The following SLC6A9 variants were observed in gnomAD, a reference collection of about 807,000 sequenced individuals.
SLC6A9 encodes solute carrier family 6 member 9, also known as sodium- and chloride-dependent glycine transporter 1.
Under a neutral mutation model 70.9 loss-of-function variants are expected in SLC6A9, and 31 were observed. The ratio of observed to expected loss-of-function variants is 0.44; its 90% CI spans 0.33 to 0.59. The LOEUF (loss-of-function observed/expected upper bound fraction) is 0.59. SLC6A9 is among the 20% of genes least tolerant of loss of function. The pLI is 0.04. For synonymous variants in SLC6A9, 310 were observed against 341.3 expected, an observed-to-expected ratio of 0.91 and a Z score of 1.01; for missense variants, 631 against 845.2, an observed-to-expected ratio of 0.75 and a Z score of 3.14.
intron 2 of SLC6A9, among the ~76,000 whole-genome samples, chr1:44,016,242 C>T (rs1557689157): frequency 2.0e-5 from 3 of 152,116 alleles, no homozygotes; most frequent in South Asian, 2.1e-4. Flanking sequence ...CGGCTGGGGG[C>T]GGCGTCTACC....
At chr1:44,017,139 C>G in intron 2 of SLC6A9, 1 of 1,607,938 alleles carries the variant, frequency 6.2e-7, no homozygotes, top group South Asian at 1.1e-5. Flanking sequence ...CTCATTCACA[C>G]CTCTGCCAGC....
rs200456440 is a variant in SLC6A9, at chr1:44,010,055, C to T, written c.229G>A (p.Gly77Arg). ...AGCTCCATGAAGAAGAGGGGGATCC[C>T]GCAGAAGATGAGCATGATGAAGTAG... ...FPYFIMLIFCGIPLFFMELSF... is the reference protein window; with the variant it reads ...FPYFIMLIFCRIPLFFMELSF... Residue 77 changes from glycine (G) to arginine (R), a missense_variant, in exon 4 of 14, where the codon GGG (glycine) becomes AGG (arginine). Coordinates refer to ENST00000372310, the MANE Select transcript of SLC6A9 (RefSeq NM_001024845.3). 6 of 1,614,062 alleles carry T rather than the reference C, an allele frequency of 3.7e-6. No individual in the cohort carries two copies. The highest frequency in any genetic ancestry group is 1.1e-5 in the South Asian group (1 of 91,086).
rs753914056 is a variant in SLC6A9, at chr1:43,997,604, C to T, written c.1843G>A (p.Ala615Thr). 2 of 1,613,882 alleles carry T rather than the reference C, an allele frequency of 1.2e-6. No homozygotes were observed. Among genetic ancestry groups the T allele is most frequent in the African/African-American group, 1.3e-5 (1 of 74,934 alleles). ...FEVQPLHPDK[A>T]QIPIVGSNGS... ...TTACTGCCCACAATGGGGATCTGCG[C>T]CTTGTCCGGGTGCAGTGGCTGGACC... Residue 615 changes from alanine to threonine, a missense_variant, in exon 14 of 14, where the codon GCG becomes ACG. Coordinates refer to ENST00000372310, the MANE Select transcript of SLC6A9 (RefSeq NM_001024845.3). This position sits in a 1 kb window ranked among gnomAD's most constrained non-coding sequence, Gnocchi z 4.4.
At chr1:44,014,143 C>G (rs979271607) in intron 2 of SLC6A9, among the ~76,000 whole-genome samples, 2 of 152,226 alleles carry the variant, frequency 1.3e-5, no homozygotes. Context: ...CATCTGCCCC[C>G]CTCTGCTCAC....
chr1:44,020,010 G>A (rs1041460680), intron 2 of SLC6A9, among the ~76,000 whole-genome samples: 2 of 152,196 alleles, frequency 1.3e-5, no homozygotes, highest in African/African-American at 4.8e-5. Flanking sequence ...AGGAAGGCTG[G>A]AACTTTTCCT....
At chr1:44,004,034 A>G (rs1361168774) in intron 5 of SLC6A9, among the ~76,000 whole-genome samples, 2 of 151,510 alleles carry the variant, frequency 1.3e-5, no homozygotes, top group East Asian at 3.9e-4. Context: ...TTGCTCTGTC[A>G]CCCAGGCTGG....
Position 44,002,472 on chromosome 1 carries a change from G to A in SLC6A9, c.858+40C>T. The stretch of plus-strand genomic sequence containing the variant: ...GTGGGCAGAGGCAGGCACCTCCCTG[G>A]CCCCTCCCCAGCCCCCTTCCGGTTT... On this transcript the variant is annotated intron_variant, in intron 7 of 13. Coordinates refer to ENST00000372310, the MANE Select transcript of SLC6A9 (RefSeq NM_001024845.3). This position sits in a 1 kb window ranked among gnomAD's most constrained non-coding sequence, Gnocchi z 5.5. 1 of 1,613,534 alleles carries A rather than the reference G, an allele frequency of 6.2e-7. No individual in the cohort carries two copies. Among genetic ancestry groups the A allele is most frequent in the South Asian group, 1.1e-5 (1 of 91,082 alleles).
In SLC6A9 at chr1:44,013,028, A is replaced by G. The variant is rs1426973416; in HGVS notation, c.31-2146T>C. Reference sequence around the variant, plus strand: ...AATAGGGCTCCTATATGTTGACCCTACAATACCAGTTTTATTCTGTCCCAG... The same window carrying G: ...AATAGGGCTCCTATATGTTGACCCTGCAATACCAGTTTTATTCTGTCCCAG... On this transcript the variant is annotated intron_variant, in intron 2 of 13. Transcript: ENST00000372310. This position sits in a 1 kb window ranked among gnomAD's most constrained non-coding sequence, Gnocchi z 5.3. Among the ~76,000 whole-genome samples, 1 of 152,220 alleles carries G rather than the reference A, an allele frequency of 6.6e-6. No homozygotes were observed. Among genetic ancestry groups the G allele is most frequent in the African/African-American group, 2.4e-5 (1 of 41,444 alleles).
At chr1:44,017,280 A>C in intron 2 of SLC6A9, 3 of 1,471,102 alleles carry the variant, frequency 2.0e-6, no homozygotes, top group East Asian at 2.7e-5. Context: ...GCCAGTCCCC[A>C]TGCAGCCCAG....
intron 2 of SLC6A9, among the ~76,000 whole-genome samples, chr1:44,019,205 G>T (rs538378759): frequency 6.6e-6 from 1 of 152,334 alleles, no homozygotes; most frequent in South Asian, 2.1e-4. Flanking sequence ...GCATACATGG[G>T]ACGCTTGCTT....
chr1:44,026,708 T>G (rs1177559244), intron 1 of SLC6A9, among the ~76,000 whole-genome samples: 1 of 151,896 alleles, frequency 6.6e-6, no homozygotes, highest in African/African-American at 2.4e-5. Flanking sequence ...TGGAAATTAT[T>G]AAGCCCGCTG....
chr1:43,997,894 C>A lies in SLC6A9; in HGVS notation c.1668G>T (p.Met556Ile). The change falls in exon 13 of 14, where the codon ATG becomes ATT. Residue 556 changes from methionine (M) to isoleucine (I), a missense_variant. Met to Ile is a conservative substitution (Grantham distance 10). Transcript: ENST00000372310. The surrounding 1 kb of genome is among the most constrained non-coding windows in gnomAD (Gnocchi z 4.4). ...SSVLCIPLYA[M>I]FRLCRTDGDT... ...CCCCGTCTGTGCGGCAGAGCCGGAA[C>A]ATGGCGTAGAGGGGGATGCAGAGGA... 3 of 1,613,888 alleles carry A rather than the reference C, an allele frequency of 1.9e-6. No individual in the cohort carries two copies. The highest frequency in any genetic ancestry group is 2.5e-6 in the Non-Finnish European group (3 of 1,179,870).
intron 2 of SLC6A9, among the ~76,000 whole-genome samples, chr1:44,023,094 C>T (rs1011457856): frequency 2.0e-5 from 3 of 152,060 alleles, no homozygotes; most frequent in Admixed American, 6.6e-5. Flanking sequence ...GTAGAGACAC[C>T]AGGCCAATGA....
Position 44,024,262 on chromosome 1 carries a change from C to T in SLC6A9, c.16G>A (p.Ala6Thr), listed in dbSNP as rs2086941392. The T allele has an allele frequency of 1.2e-6, 2 of 1,614,272 alleles. No individual in the cohort carries two copies. The highest frequency in any genetic ancestry group is 1.7e-5 in the Admixed American group (1 of 60,036). MVGKG[A>T]KGMLNGAVPS... The stretch of plus-strand genomic sequence containing the variant: ...TCTGTACTCACCAGCATCCCTTTGG[C>T]ACCTTTTCCTACCATGGCGGCGGTG... Residue 6 changes from alanine to threonine, a missense_variant, in exon 2 of 14, where the codon GCC becomes ACC. Coordinates refer to ENST00000372310, the MANE Select transcript of SLC6A9 (RefSeq NM_001024845.3).
chr1:44,011,376 G>A (rs551063929), intron 2 of SLC6A9, among the ~76,000 whole-genome samples: 1 of 152,244 alleles, frequency 6.6e-6, no homozygotes, highest in East Asian at 1.9e-4. Context: ...CGGGGGAGGG[G>A]AGGTTAGACC....
intron 3 of SLC6A9, 52 bp from the exon 4 acceptor site, chr1:44,010,148 C>T (rs916353651): frequency 1.9e-6 from 3 of 1,602,616 alleles, no homozygotes; most frequent in African/African-American, 1.3e-5. Flanking sequence ...GGGATCTCAC[C>T]CTGGGCTTCC....
chr1:44,027,597 A>T (rs1406475505), intron 1 of SLC6A9, among the ~76,000 whole-genome samples: 1 of 152,236 alleles, frequency 6.6e-6, no homozygotes, highest in African/African-American at 2.4e-5. Context: ...GACCTGTGCT[A>T]GGCACCAAGA....
intron 2 of SLC6A9, among the ~76,000 whole-genome samples, chr1:44,024,004 T>G (rs912268488): frequency 6.6e-6 from 1 of 152,206 alleles, no homozygotes; most frequent in African/African-American, 2.4e-5. Flanking sequence ...CTGGAGCACC[T>G]CTGTGACAAG....
At chr1:44,010,995 T>C in intron 2 of SLC6A9, 113 bp from the exon 3 acceptor site, 1 of 1,109,698 alleles carries the variant, frequency 9.0e-7, no homozygotes, top group Non-Finnish European at 1.3e-6. Context: ...CTCCCCGGGC[T>C]TCCCCTCTGC....
Sources: gnomAD v4.1 joint callset for allele counts (sites outside exome capture counted in the v4.1 genomes callset) on GRCh38, gnomAD v4.1.1 for gene constraint, Gnocchi (gnomAD v3.1) non-coding constraint, MANE v1.5 for transcripts, NCBI Gene and HGNC (gene_info 2026-07-23, HGNC 2026-07-21) for gene names.